KAZN: variants seen among roughly 807,000 people sequenced by gnomAD.
The protein encoded by KAZN is kazrin, periplakin interacting protein.
In KAZN, 40 loss-of-function variants were observed where a neutral mutation model predicts 87.4. The observed-to-expected ratio is 0.46, with a 90% CI of 0.36 to 0.60. KAZN has a LOEUF of 0.60. Among genes scored for constraint, KAZN ranks in the 20% least tolerant of loss-of-function variants. The probability of loss-of-function intolerance (pLI) is 0.00; values close to 1 mark genes in which losing one functional copy is unlikely to be tolerated. For synonymous variants in KAZN, 466 were observed against 458.3 expected (o/e 1.02, Z -0.22); for missense variants, 898 against 1,073.9 (o/e 0.84, Z 2.29).
intron 2 of KAZN, among the ~76,000 whole-genome samples, chr1:14,962,014 G>A (rs1378048731): frequency 6.6e-6 from 1 of 152,232 alleles, no homozygotes; most frequent in African/African-American, 2.4e-5. Flanking sequence ...AGATGCAGAG[G>A]GTTCTGGGAA....
Position 14,433,508 on chromosome 1 carries a change from G to A in KAZN, c.250-165475G>A, listed in dbSNP as rs372110231. On this transcript the variant is annotated intron_variant, in intron 2 of 16. Transcript: ENST00000636203. ...GAGATGGGGTTTTGAAAGGGAATTC[G>A]GGTTAGAGGAAGTCACGAGGGAGGG... Among the ~76,000 whole-genome samples, 9 of 152,120 alleles carry A rather than the reference G, an allele frequency of 5.9e-5. No individual in the cohort carries two copies. In the East Asian group the frequency reaches 7.7e-4, roughly 13 times the overall value.
intron 2 of KAZN, among the ~76,000 whole-genome samples, chr1:14,318,480 T>C (rs1379993652): frequency 2.0e-5 from 3 of 152,056 alleles, no homozygotes; most frequent in African/African-American, 7.2e-5. Context: ...CTTTTAAGAT[T>C]TTTCCCTTTG....
intron 1 of KAZN, among the ~76,000 whole-genome samples, chr1:14,795,705 GCTCATTCCACACCAGCCCCTCTGGC>G (rs930582487): frequency 4.6e-5 from 7 of 152,050 alleles, no homozygotes; most frequent in South Asian, 2.1e-4. Flanking sequence ...ATGAGCTGGT[GCTCATTCCACACCAGCCCCTCTGGC>G]CTCATTCCAC....
chr1:14,407,036 C>G (rs1236521057), intron 2 of KAZN, among the ~76,000 whole-genome samples: 1 of 152,192 alleles, frequency 6.6e-6, no homozygotes, highest in Non-Finnish European at 1.5e-5. Context: ...CAAAATAGAT[C>G]ACTTAGTTTG....
chr1:14,357,673 GA>G (rs1438241556), intron 2 of KAZN, among the ~76,000 whole-genome samples: 2 of 152,256 alleles, frequency 1.3e-5, no homozygotes, highest in African/African-American at 4.8e-5. Flanking sequence ...TGCATCTATT[GA>G]GATAATCATG....
intron 1 of KAZN, among the ~76,000 whole-genome samples, chr1:14,631,544 T>TTA (rs1445746649): frequency 2.2e-4 from 34 of 152,300 alleles, no homozygotes; most frequent in East Asian, 1.2e-3. Flanking sequence ...CCGATCCTGC[T>TTA]ACCTCTCACC....
chr1:14,352,904 A>T (rs182048100), intron 2 of KAZN, among the ~76,000 whole-genome samples: 14 of 152,350 alleles, frequency 9.2e-5, no homozygotes, highest in African/African-American at 3.4e-4. Context: ...ATATTAACCA[A>T]TTAAAAGAAA....
At chr1:14,648,564 A>G (rs529239143) in intron 1 of KAZN, among the ~76,000 whole-genome samples, 1 of 152,284 alleles carries the variant, frequency 6.6e-6, no homozygotes, top group South Asian at 2.1e-4. Context: ...CAGGAAAACT[A>G]GAGCTGCAGA....
chr1:14,656,889 A>G (rs1638826988), intron 1 of KAZN, among the ~76,000 whole-genome samples: 1 of 152,210 alleles, frequency 6.6e-6, no homozygotes, highest in Non-Finnish European at 1.5e-5. Flanking sequence ...ATCGCATATC[A>G]TCCTTCAAAC....
chr1:14,367,212 G>A (rs550511988), intron 2 of KAZN, among the ~76,000 whole-genome samples: 23 of 152,322 alleles, frequency 1.5e-4, no homozygotes, highest in Non-Finnish European at 3.1e-4. Flanking sequence ...CGAGGTGACA[G>A]AGCAAGACTC....
At chr1:14,200,838 T>G (rs1646624105) in intron 2 of KAZN, among the ~76,000 whole-genome samples, 1 of 151,362 alleles carries the variant, frequency 6.6e-6, no homozygotes, top group Non-Finnish European at 1.5e-5. Context: ...CCACCAAGAG[T>G]CTTGGTTACT....
chr1:15,112,283 G>T, intron 13 of KAZN, 144 bp from the exon 14 acceptor site: 1 of 655,418 alleles, frequency 1.5e-6, no homozygotes, highest in Non-Finnish European at 2.8e-6. Context: ...AGGATGGCAC[G>T]TGGGAGGTAA....
At chr1:14,972,477 G>C (rs981808207) in intron 2 of KAZN, among the ~76,000 whole-genome samples, 1 of 151,976 alleles carries the variant, frequency 6.6e-6, no homozygotes, top group African/African-American at 2.4e-5. Context: ...ACCCCTGCTT[G>C]GCTCCCAGGG....
chr1:14,889,913 G>T (rs1200591576), intron 1 of KAZN, among the ~76,000 whole-genome samples: 6 of 152,196 alleles, frequency 3.9e-5, no homozygotes, highest in Non-Finnish European at 8.8e-5. Flanking sequence ...GACAAAATAT[G>T]GCAACTAGCA....
At chr1:14,264,077 C>T (rs1270941661) in intron 2 of KAZN, among the ~76,000 whole-genome samples, 1 of 152,204 alleles carries the variant, frequency 6.6e-6, no homozygotes, top group Non-Finnish European at 1.5e-5. Context: ...TGTTATCTTA[C>T]AGTTCTGTAG....
At chr1:14,065,678 C>A (rs960884908) in intron 1 of KAZN, among the ~76,000 whole-genome samples, 1 of 152,082 alleles carries the variant, frequency 6.6e-6, no homozygotes, top group South Asian at 2.1e-4. Context: ...CTAATCCACA[C>A]GCCTCTGAAC....
chr1:14,633,665 C>A (rs1425672101), intron 1 of KAZN, among the ~76,000 whole-genome samples: 1 of 152,126 alleles, frequency 6.6e-6, no homozygotes, highest in African/African-American at 2.4e-5. Flanking sequence ...CTTACACAGC[C>A]ATTCACTCTG....
intron 6 of KAZN, 66 bp downstream of exon 6, chr1:15,060,368 G>T: frequency 6.3e-7 from 1 of 1,596,698 alleles, no homozygotes; most frequent in Non-Finnish European, 8.6e-7. Context: ...GGCGGGGGTG[G>T]CGGGGTGAAG....
chr1:14,163,249 G>A (rs1208250538), intron 1 of KAZN, among the ~76,000 whole-genome samples: 1 of 152,168 alleles, frequency 6.6e-6, no homozygotes, highest in Non-Finnish European at 1.5e-5. Flanking sequence ...GGAGTGAAAG[G>A]AACTAAAGTA....
Sources: gnomAD v4.1 joint callset for allele counts (sites outside exome capture counted in the v4.1 genomes callset) on GRCh38, gnomAD v4.1.1 for gene constraint, MANE v1.5 for transcripts, NCBI Gene and HGNC (gene_info 2026-07-23, HGNC 2026-07-21) for gene names.